CCDC102A: variants seen among roughly 807,000 people sequenced by gnomAD.
CCDC102A encodes the protein coiled-coil domain-containing protein 102A.
A neutral mutation model predicts 55.5 loss-of-function variants in CCDC102A; 40 were observed. The observed-to-expected ratio is 0.72, with a 90% CI of 0.56 to 0.94. The LOEUF (loss-of-function observed/expected upper bound fraction) is 0.94, where lower values mean the gene tolerates loss of function less well. Ranked by LOEUF, CCDC102A falls within the 40% of genes least tolerant of loss-of-function variation. The pLI is 0.00. For missense variants in CCDC102A, 779 were observed against 768.6 expected (o/e 1.01, Z -0.16); for synonymous variants, 323 against 339.0 (o/e 0.95, Z 0.52).
chr16:57,518,202 C>T lies in CCDC102A; in HGVS notation c.1114G>A (p.Glu372Lys), dbSNP rs200849047. Residue 372 changes from glutamate to lysine, a missense_variant, in exon 6 of 9, where the codon GAG (glutamate) becomes AAG (lysine). Coordinates refer to ENST00000258214, the MANE Select transcript of CCDC102A (RefSeq NM_033212.4). ...ERLETEKLGLERENKKLRAQV... is the reference protein window; with the variant it reads ...ERLETEKLGLKRENKKLRAQV... Reference sequence around the variant, plus strand: ...GCCCGCAGCTTCTTGTTCTCCCGCTCAAGGCCCAGTTTCTCTGTCTCCAGC... The same window carrying T: ...GCCCGCAGCTTCTTGTTCTCCCGCTTAAGGCCCAGTTTCTCTGTCTCCAGC... 7 of 1,612,688 alleles carry T rather than the reference C, an allele frequency of 4.3e-6. No individual in the cohort carries two copies. The highest frequency in any genetic ancestry group is 5.9e-6 in the Non-Finnish European group (7 of 1,179,914).
At chr16:57,514,740 G>A (rs563056993) in intron 8 of CCDC102A, among the ~76,000 whole-genome samples, 3 of 152,178 alleles carry the variant, frequency 2.0e-5, no homozygotes, top group African/African-American at 2.4e-5. Flanking sequence ...CTCAGGGCCC[G>A]GCACAGGTCA....
rs2032137650 is a variant in CCDC102A at position 57,526,103 on chromosome 16, G to A, written c.610C>T (p.Leu204=). 1.9e-6 allele frequency: 3 copies of A among 1,559,164 alleles called. No homozygotes were observed. Among genetic ancestry groups the A allele is most frequent in the South Asian group, 1.2e-5 (1 of 85,452 alleles). The change falls in exon 3 of 9, where the codon CTG becomes TTG. Residue 204 remains leucine, a synonymous_variant. Transcript: ENST00000258214. ...SQELELVESL[L]KSMPEESEDC... ...TCAGACTCCTCTGGCATGCTCTTCA[G>A]CAGGCTCTCCACCAGCTCCAGTTCC...
intron 8 of CCDC102A, among the ~76,000 whole-genome samples, 192 bp downstream of exon 8, chr16:57,515,149 G>T (rs1301121522): frequency 1.3e-5 from 2 of 152,090 alleles, no homozygotes. Context: ...CAGCTGGCCT[G>T]ACTTCCTGCA....
intron 4 of CCDC102A, among the ~76,000 whole-genome samples, chr16:57,519,598 C>G (rs1390357441): frequency 6.6e-6 from 1 of 152,226 alleles, no homozygotes; most frequent in African/African-American, 2.4e-5. Context: ...GATGAGTTTT[C>G]AACACATAAT....
intron 1 of CCDC102A, among the ~76,000 whole-genome samples, chr16:57,536,286 C>CGGA (rs1404948096): frequency 6.6e-6 from 1 of 152,264 alleles, no homozygotes; most frequent in East Asian, 1.9e-4. Flanking sequence ...CCCTCCCCAC[C>CGGA]GGAGACCTGG....
chr16:57,516,472 C>T lies in CCDC102A; in HGVS notation c.1249-9G>A. On this transcript the variant is annotated splice_polypyrimidine_tract_variant and intron_variant, in intron 6 of 8. Transcript: ENST00000258214. This position sits in a 1 kb window ranked among gnomAD's most constrained non-coding sequence, Gnocchi z 4.4. ...TTCAGGTCTGCCAGCTCCTACAGGG[C>T]ACAGGGATGGGGTGGGAGGGAGGAG... The T allele has an allele frequency of 6.4e-7, 1 of 1,555,050 alleles. No individual in the cohort carries two copies. Among genetic ancestry groups the T allele is most frequent in the Non-Finnish European group, 8.8e-7 (1 of 1,134,444 alleles).
chr16:57,515,376 C>T lies in CCDC102A; in HGVS notation c.1488G>A (p.Glu496=), dbSNP rs760690205. The T allele has an allele frequency of 1.7e-5, 28 of 1,608,418 alleles. No individual in the cohort carries two copies. The highest frequency in any genetic ancestry group is 2.2e-5 in the Non-Finnish European group (26 of 1,178,442). The change falls in exon 8 of 9, where the codon GAG becomes GAA. Residue 496 remains glutamate, a synonymous_variant. Transcript: ENST00000258214. The stretch of plus-strand genomic sequence containing the variant: ...GGTGCTCCAGTTGCACTTGCAGGTT[C>T]TCGCTCTGCTCCGTCTGCTCGTCCA... ...RSLDEQTEQS[E]NLQVQLEHLQ... is the part of the protein sequence containing the mutation.
chr16:57,532,128 CAGTG>C (rs1483040244), intron 1 of CCDC102A, among the ~76,000 whole-genome samples: 2 of 152,126 alleles, frequency 1.3e-5, no homozygotes, highest in African/African-American at 4.8e-5. Flanking sequence ...TGAGAGAGAC[CAGTG>C]CTTCTTCATC....
chr16:57,525,216 C>T (rs1260715047), intron 3 of CCDC102A, among the ~76,000 whole-genome samples: 4 of 152,168 alleles, frequency 2.6e-5, no homozygotes, highest in African/African-American at 7.2e-5. Flanking sequence ...CTGCCTCAGC[C>T]TCCTGAGTAG....
intron 8 of CCDC102A, among the ~76,000 whole-genome samples, chr16:57,514,909 C>T (rs1339635179): frequency 1.3e-5 from 2 of 152,048 alleles, no homozygotes; most frequent in African/African-American, 4.8e-5. Context: ...GGCCTGTTGG[C>T]AGTGGACGGG....
intron 8 of CCDC102A, among the ~76,000 whole-genome samples, chr16:57,513,249 G>C (rs938463475): frequency 6.6e-6 from 1 of 152,218 alleles, no homozygotes; most frequent in Non-Finnish European, 1.5e-5. Flanking sequence ...TGGTGTGACA[G>C]TGCAGGGTGG....
intron 1 of CCDC102A, among the ~76,000 whole-genome samples, chr16:57,534,673 C>T (rs189873640): frequency 2.6e-4 from 40 of 152,186 alleles, no homozygotes; most frequent in African/African-American, 7.7e-4. Flanking sequence ...GAAGGTACCC[C>T]TAAGAAGGTG....
intron 4 of CCDC102A, among the ~76,000 whole-genome samples, chr16:57,518,979 C>G (rs1443422888): frequency 6.6e-6 from 1 of 152,220 alleles, no homozygotes; most frequent in Non-Finnish European, 1.5e-5. Context: ...TCTCTGTCAA[C>G]CCGTTTTCTA....
At chr16:57,525,080 TTTATTTATTTA>T in intron 3 of CCDC102A, among the ~76,000 whole-genome samples, 1 of 44,464 alleles carries the variant, frequency 2.2e-5, no homozygotes, top group African/African-American at 3.8e-4. Flanking sequence ...CATCGTTTTA[TTTATTTATTTA>T]TTTATTTATT....
At chr16:57,528,526 C>G in intron 2 of CCDC102A, 67 bp downstream of exon 2, 1 of 1,055,410 alleles carries the variant, frequency 9.5e-7, no homozygotes, top group Non-Finnish European at 1.2e-6. Flanking sequence ...CTGAGCCCAG[C>G]AGCTCAGGAC....
chr16:57,520,640 T>C (rs2032033998), intron 4 of CCDC102A, among the ~76,000 whole-genome samples: 1 of 144,418 alleles, frequency 6.9e-6, no homozygotes, highest in African/African-American at 2.6e-5. Context: ...TAAAAATAAA[T>C]AAAATTAAAA....
intron 8 of CCDC102A, among the ~76,000 whole-genome samples, chr16:57,513,794 T>A (rs914190183): frequency 6.6e-6 from 1 of 152,250 alleles, no homozygotes; most frequent in African/African-American, 2.4e-5. Context: ...CACAACACTT[T>A]ATGGGCGTCA....
At position 57,529,728 on chromosome 16, in the gene CCDC102A, T is replaced by C. The variant is rs528404463; in HGVS notation, c.-147-404A>G. On this transcript the variant is annotated intron_variant, in intron 1 of 8. Coordinates refer to ENST00000258214, the MANE Select transcript of CCDC102A (RefSeq NM_033212.4). The surrounding 1 kb of genome is among the most constrained non-coding windows in gnomAD (Gnocchi z 4.1). ...TCATATTTAAGACTCTTCTGAGGTATCACTTCCTCCTGGAAGCCCTCCTGG... is the reference window on the plus strand; with the variant it reads ...TCATATTTAAGACTCTTCTGAGGTACCACTTCCTCCTGGAAGCCCTCCTGG... Among the ~76,000 whole-genome samples the C allele has an allele frequency of 3.9e-5, 6 of 152,296 alleles. No homozygotes were observed. In the East Asian group the frequency reaches 9.7e-4, roughly 25 times the overall value.
At chr16:57,535,239 G>A (rs566521590) in intron 1 of CCDC102A, among the ~76,000 whole-genome samples, 20 of 152,224 alleles carry the variant, frequency 1.3e-4, no homozygotes, top group Middle Eastern at 3.2e-3. Flanking sequence ...CCTCTGGGGG[G>A]AGCTGGCTGG....
Sources: allele counts gnomAD v4.1 joint callset (sites outside exome capture counted in the v4.1 genomes callset), GRCh38; gene constraint gnomAD v4.1.1; non-coding constraint Gnocchi (gnomAD v3.1); transcripts MANE v1.5; gene names NCBI Gene and HGNC (gene_info 2026-07-23, HGNC 2026-07-21).